AR: variants seen among roughly 807,000 people sequenced by gnomAD.
AR encodes the protein androgen receptor, also known as dihydrotestosterone receptor.
Under a neutral mutation model 53.9 loss-of-function variants are expected in AR, and 8 were observed. The observed-to-expected ratio is 0.15, with a 90% CI of 0.09 to 0.27. The LOEUF is 0.27. Among genes scored for constraint, AR ranks in the 10% least tolerant of loss-of-function variants. The pLI, the probability that AR is intolerant of heterozygous loss-of-function variation, is 1.00. For missense variants in AR, 639 were observed against 742.5 expected, an observed-to-expected ratio of 0.86 and a Z score of 1.62; for synonymous variants, 359 against 316.4, an observed-to-expected ratio of 1.13 and a Z score of -1.43.
At chrX:67,583,742 G>A (rs974236011) in intron 1 of AR, among the ~76,000 whole-genome samples, 1 of 112,107 alleles carries the variant, frequency 8.9e-6, no homozygotes, top group African/African-American at 3.2e-5. Flanking sequence ...GTATGTCAGA[G>A]TGTAGTCACT....
rs1265355629 is a variant in AR at position 67,726,284 on chromosome X, G to A, written c.*2443G>A. On this transcript the variant is annotated 3_prime_UTR_variant, in exon 8 of 8. Coordinates refer to ENST00000374690, the MANE Select transcript of AR (RefSeq NM_000044.6). ...TTTATTATTACACAATCTGGCTCAT[G>A]TACAGGATCACTTTTAGCTGTTTTA... The A allele has an allele frequency of 5.8e-6, 1 of 173,226 alleles. No homozygotes were observed. The highest frequency in any genetic ancestry group is 1.1e-5 in the Non-Finnish European group (1 of 90,919). The allele number at this position is 173,226 out of a possible 1,213,427, so 14.3% of individuals were successfully genotyped here.
Position 67,664,980 on chromosome X carries a change from G to T in AR, c.1769-21030G>T, listed in dbSNP as rs756598639. 3.5e-5 allele frequency among the ~76,000 whole-genome samples: 4 copies of T among 112,860 alleles called. No individual in the cohort carries two copies. In the East Asian group the frequency reaches 1.1e-3, roughly 32 times the overall value. On this transcript the variant is annotated intron_variant, in intron 2 of 7. Transcript: ENST00000374690. ...ACCATTGAAAAAGTGCAGTATTATG[G>T]TGGGAGTGACCCGATTTTCCAGGTG...
chrX:67,694,674 A>C, intron 3 of AR: 1 of 1,154,831 alleles, frequency 8.7e-7, no homozygotes, highest in Non-Finnish European at 1.1e-6. Flanking sequence ...TCATACTAGA[A>C]AAATTCCGGG....
At chrX:67,649,704 C>T (rs1926241806) in intron 2 of AR, among the ~76,000 whole-genome samples, 1 of 111,987 alleles carries the variant, frequency 8.9e-6, no homozygotes, top group Non-Finnish European at 1.9e-5. Context: ...ATATCCTTCA[C>T]CCACTTTCTG....
intron 2 of AR, among the ~76,000 whole-genome samples, chrX:67,681,666 A>G (rs914114862): frequency 3.6e-5 from 4 of 112,506 alleles, no homozygotes; most frequent in Non-Finnish European, 7.5e-5. Context: ...CTAAAAGGAA[A>G]CAGTGAGTTT....
At chrX:67,713,651 A>G (rs1187712766) in intron 4 of AR, among the ~76,000 whole-genome samples, 2 of 112,147 alleles carry the variant, frequency 1.8e-5, no homozygotes, top group Non-Finnish European at 3.8e-5. Context: ...CACTTAACAC[A>G]TGGAACCAGA....
chrX:67,557,132 G>A (rs1177099397), intron 1 of AR, among the ~76,000 whole-genome samples: 1 of 109,351 alleles, frequency 9.1e-6, no homozygotes, highest in African/African-American at 3.3e-5. Flanking sequence ...GGGGGGAAGA[G>A]ACTGTGGGAG....
intron 1 of AR, among the ~76,000 whole-genome samples, chrX:67,632,392 A>T (rs1251448900): frequency 8.9e-6 from 1 of 112,055 alleles, no homozygotes; most frequent in Non-Finnish European, 1.9e-5. Context: ...GGTGGGAGTG[A>T]CCCAATTTTC....
At chrX:67,646,035 T>TA (rs1426591483) in intron 2 of AR, among the ~76,000 whole-genome samples, 3 of 112,334 alleles carry the variant, frequency 2.7e-5, no homozygotes, top group African/African-American at 9.7e-5. Context: ...TTCTCTTCCT[T>TA]ACTTGCTTGT....
intron 3 of AR, among the ~76,000 whole-genome samples, chrX:67,702,294 G>A (rs1368476673): frequency 8.9e-6 from 1 of 111,774 alleles, no homozygotes; most frequent in East Asian, 2.8e-4. Context: ...AAGCTAGAAA[G>A]GTCCAGTAAT....
At chrX:67,641,310 G>A (rs759195445) in intron 1 of AR, among the ~76,000 whole-genome samples, 1 of 111,929 alleles carries the variant, frequency 8.9e-6, no homozygotes, top group Non-Finnish European at 1.9e-5. Context: ...TAAATGGGAT[G>A]ATATGTATGA....
At chrX:67,700,167 C>G (rs1165972121) in intron 3 of AR, among the ~76,000 whole-genome samples, 1 of 111,557 alleles carries the variant, frequency 9.0e-6, no homozygotes, top group Non-Finnish European at 1.9e-5. Flanking sequence ...CCAAGACTAA[C>G]AGGGCAGAGA....
chrX:67,643,425 T>A lies in AR; in HGVS notation c.1768+18T>A, dbSNP rs754363186. ...CGCTGAAGGTAAAGGGTCTTGCACA[T>A]GCACTTCTCTTTCCCTTTCTCCTTT... On this transcript the variant is annotated intron_variant, in intron 2 of 7. Transcript: ENST00000374690. The A allele has an allele frequency of 8.3e-7, 1 of 1,199,944 alleles. No homozygotes were observed. The highest frequency in any genetic ancestry group is 1.1e-6 in the Non-Finnish European group (1 of 888,948).
chrX:67,549,362 G>A (rs1602147513), intron 1 of AR, among the ~76,000 whole-genome samples: 1 of 111,427 alleles, frequency 9.0e-6, no homozygotes, highest in African/African-American at 3.3e-5. Context: ...TTTGTGGAGG[G>A]GTTTTTTTAA....
intron 1 of AR, among the ~76,000 whole-genome samples, chrX:67,546,981 CT>C (rs1209709666): frequency 9.1e-6 from 1 of 110,278 alleles, no homozygotes; most frequent in Non-Finnish European, 1.9e-5. Flanking sequence ...GATTCCTGCC[CT>C]CCCAGATTCT....
rs1240837835 is a variant in AR at position 67,663,764 on chromosome X, A to G, written c.1768+20357A>G. 2.7e-5 allele frequency among the ~76,000 whole-genome samples: 3 copies of G among 112,379 alleles called. No individual in the cohort carries two copies. In the Admixed American group the frequency reaches 2.8e-4, roughly 11 times the overall value. Reference sequence around the variant, plus strand: ...CTCCCCATCACTTTCAGGTACACCAATCAGACATAGATTTGGTCTTTTCAC... The same window carrying G: ...CTCCCCATCACTTTCAGGTACACCAGTCAGACATAGATTTGGTCTTTTCAC... On this transcript the variant is annotated intron_variant, in intron 2 of 7. Coordinates refer to ENST00000374690, the MANE Select transcript of AR (RefSeq NM_000044.6).
chrX:67,580,821 T>C (rs1922263800), intron 1 of AR, among the ~76,000 whole-genome samples: 1 of 111,659 alleles, frequency 9.0e-6, no homozygotes, highest in Non-Finnish European at 1.9e-5. Context: ...CACTAGATTG[T>C]CAACTCTGTG....
intron 2 of AR, among the ~76,000 whole-genome samples, chrX:67,649,837 T>G (rs1468271350): frequency 8.9e-6 from 1 of 112,420 alleles, no homozygotes; most frequent in Non-Finnish European, 1.9e-5. Context: ...GGTTGTTCAC[T>G]CTGATGATAG....
chrX:67,670,338 A>G (rs1451904318), intron 2 of AR, among the ~76,000 whole-genome samples: 1 of 97,614 alleles, frequency 1.0e-5, no homozygotes, highest in Non-Finnish European at 2.0e-5. Flanking sequence ...TTTTTAAAAA[A>G]TAATAATTGT....
Sources: allele counts gnomAD v4.1 joint callset (sites outside exome capture counted in the v4.1 genomes callset), GRCh38; gene constraint gnomAD v4.1.1; transcripts MANE v1.5; gene names NCBI Gene and HGNC (gene_info 2026-07-23, HGNC 2026-07-21).